The following USH2A variants were observed in gnomAD, a reference collection of about 807,000 sequenced individuals.
USH2A encodes the protein usherin, also known as Usher syndrome 2A (autosomal recessive, mild).
Under a neutral mutation model 538.9 loss-of-function variants are expected in USH2A, and 443 were observed. The observed-to-expected ratio is 0.82, with a 90% CI of 0.76 to 0.89. The LOEUF is 0.89. USH2A is among the 40% of genes least tolerant of loss of function. The pLI, the probability that USH2A is intolerant of heterozygous loss-of-function variation, is 0.00. For synonymous variants in USH2A, 2,413 were observed against 2,273.5 expected (o/e 1.06, Z -1.75); for missense variants, 6,633 against 6,324.8 (o/e 1.05, Z -1.65).
chr1:216,131,986 G>C (rs1029063537), intron 21 of USH2A, among the ~76,000 whole-genome samples: 1 of 152,068 alleles, frequency 6.6e-6, no homozygotes, highest in Non-Finnish European at 1.5e-5. Context: ...CACAGACCTA[G>C]TAAGATGGTA....
chr1:216,093,938 A>G (rs1322309638), intron 22 of USH2A, among the ~76,000 whole-genome samples: 2 of 152,240 alleles, frequency 1.3e-5, no homozygotes, highest in Non-Finnish European at 1.5e-5. Context: ...AAGCCACTTC[A>G]TCTAAAGCAG....
chr1:215,913,736 G>A (rs1008091206), intron 38 of USH2A, among the ~76,000 whole-genome samples: 5 of 151,576 alleles, frequency 3.3e-5, no homozygotes, highest in Admixed American at 6.6e-5. Flanking sequence ...ACTTTGATTC[G>A]AGTTTTTTTT....
intron 37 of USH2A, among the ~76,000 whole-genome samples, chr1:215,958,207 T>A (rs1344793638): frequency 6.6e-6 from 1 of 152,064 alleles, no homozygotes; most frequent in Non-Finnish European, 1.5e-5. Flanking sequence ...AGAACCAGAG[T>A]GTGTGAAAAG....
rs191335374 is a variant in USH2A, at chr1:215,849,420, G to A, written c.8846-3387C>T. 2.2e-4 allele frequency among the ~76,000 whole-genome samples: 33 copies of A among 152,218 alleles called. 1 individual carries two copies. Among genetic ancestry groups the A allele is most frequent in the Middle Eastern group, 3.4e-3 (1 of 294 alleles). On this transcript the variant is annotated intron_variant, in intron 44 of 71. Coordinates refer to ENST00000307340, the MANE Select transcript of USH2A (RefSeq NM_206933.4). ...AAGCAATGGCAGAATTAAAACGTAC[G>A]TTGAAAGCAGAAATGAGCAGAGTTA...
At chr1:215,694,651 T>C (rs1658742436) in intron 61 of USH2A, among the ~76,000 whole-genome samples, 1 of 152,142 alleles carries the variant, frequency 6.6e-6, no homozygotes, top group African/African-American at 2.4e-5. Context: ...AGAAAAATGG[T>C]TTGAATTTAC....
chr1:215,660,877 G>A (rs776142080), intron 64 of USH2A, among the ~76,000 whole-genome samples: 3 of 152,142 alleles, frequency 2.0e-5, no homozygotes, highest in Non-Finnish European at 4.4e-5. Context: ...TCTCAACTAT[G>A]TTCTTACAAA....
At chr1:216,168,206 AT>A (rs2034207208) in intron 21 of USH2A, among the ~76,000 whole-genome samples, 1 of 152,132 alleles carries the variant, frequency 6.6e-6, no homozygotes, top group Admixed American at 6.6e-5. Flanking sequence ...TTTCCAACCC[AT>A]TTAAGCTGAA....
At chr1:216,285,386 G>A (rs1028572013) in intron 11 of USH2A, among the ~76,000 whole-genome samples, 3 of 152,256 alleles carry the variant, frequency 2.0e-5, no homozygotes, top group African/African-American at 7.2e-5. Context: ...TGGGCCTGCA[G>A]GTGTGCAGAA....
rs545448896 is a variant in USH2A at position 216,299,281 on chromosome 1, AG to A, written c.1645-6912del. 2.5e-3 allele frequency among the ~76,000 whole-genome samples: 387 copies of A among 151,818 alleles called. 5 individuals carry two copies. Among genetic ancestry groups the A allele is most frequent in the South Asian group, 0.012 (57 of 4,816 alleles). On this transcript the variant is annotated intron_variant, in intron 9 of 71. Coordinates refer to ENST00000307340, the MANE Select transcript of USH2A (RefSeq NM_206933.4). ...GATGTTCCAATTCCTAAAAAAAAAAAGGCTAACATTTATAAATATAAATAGA... is the reference window on the plus strand; with the variant it reads ...GATGTTCCAATTCCTAAAAAAAAAAAGCTAACATTTATAAATATAAATAGA...
intron 21 of USH2A, among the ~76,000 whole-genome samples, chr1:216,103,762 C>G (rs1252720279): frequency 6.6e-6 from 1 of 152,096 alleles, no homozygotes; most frequent in Non-Finnish European, 1.5e-5. Flanking sequence ...AATCACTTGA[C>G]TAAAAATTCT....
At position 216,190,379 on chromosome 1, in the gene USH2A, A is replaced by AAAAGAAAG. The variant is rs372388546; in HGVS notation, c.4252-20_4252-13dup. On this transcript the variant is annotated splice_polypyrimidine_tract_variant and intron_variant, in intron 19 of 71. Coordinates refer to ENST00000307340, the MANE Select transcript of USH2A (RefSeq NM_206933.4). ...GCAGTGTGCAACAGCTTCAAGGCAA[A>AAAAGAAAG]AAAGAAAGAAAGAAAGAAAGAAAGA... 2.5e-6 allele frequency: 4 copies of AAAAGAAAG among 1,609,030 alleles called. No homozygotes were observed. Among genetic ancestry groups the AAAAGAAAG allele is most frequent in the Middle Eastern group, 1.7e-4 (1 of 5,748 alleles).
At chr1:215,777,396 T>C (rs986435800) in intron 55 of USH2A, among the ~76,000 whole-genome samples, 1 of 152,224 alleles carries the variant, frequency 6.6e-6, no homozygotes, top group Admixed American at 6.5e-5. Context: ...TTCTAAAAAA[T>C]GCAAACCAAT....
At chr1:216,171,782 T>C (rs1395895648) in intron 21 of USH2A, among the ~76,000 whole-genome samples, 1 of 152,028 alleles carries the variant, frequency 6.6e-6, no homozygotes, top group African/African-American at 2.4e-5. Context: ...ATTAAATGAG[T>C]TGTCTAATTA....
chr1:215,634,664 C>G lies in USH2A; in HGVS notation c.15092G>C (p.Arg5031Pro). Residue 5031 changes from arginine to proline, a missense_variant, in exon 70 of 72, where the codon CGG becomes CCG. By Grantham distance (103) the Arg-to-Pro change is moderately radical (BLOSUM62 -2). Transcript: ENST00000307340. Reference sequence around the variant, plus strand: ...GCTGTAGAACTCTGTGCTTTTGCTCCGCGATCCCTTCTTTTTCCCAGGAGT... The same window carrying G: ...GCTGTAGAACTCTGTGCTTTTGCTCGGCGATCCCTTCTTTTTCCCAGGAGT... Reference protein sequence around the residue: ...LTTPGKKKGSRSKSTEFYSEL... With the variant: ...LTTPGKKKGSPSKSTEFYSEL... The G allele has an allele frequency of 6.2e-7, 1 of 1,614,234 alleles. No individual in the cohort carries two copies.
chr1:216,165,002 G>C (rs2034137996), intron 21 of USH2A, among the ~76,000 whole-genome samples: 1 of 152,024 alleles, frequency 6.6e-6, no homozygotes, highest in African/African-American at 2.4e-5. Context: ...TTTGAAACCT[G>C]GGGAGTCTGA....
intron 4 of USH2A, among the ~76,000 whole-genome samples, chr1:216,363,608 T>C (rs2038537823): frequency 6.6e-6 from 1 of 152,070 alleles, no homozygotes; most frequent in South Asian, 2.1e-4. Flanking sequence ...GACACAGATA[T>C]ATAAATATAT....
intron 58 of USH2A, among the ~76,000 whole-genome samples, chr1:215,750,520 A>C (rs1421131527): frequency 6.6e-6 from 1 of 152,206 alleles, no homozygotes; most frequent in African/African-American, 2.4e-5. Context: ...TGAGCCACAA[A>C]TAAAATTATT....
chr1:216,087,074 A>G (rs1192467346), intron 23 of USH2A, among the ~76,000 whole-genome samples: 1 of 152,140 alleles, frequency 6.6e-6, no homozygotes, highest in African/African-American at 2.4e-5. Flanking sequence ...AGTACTCTAG[A>G]GGGATGAATA....
chr1:215,629,277 G>T lies in USH2A; in HGVS notation c.15298-242C>A, dbSNP rs577609616. ...GATGAGCTAATACTCAAGTTAGGTG[G>T]CCAGTGTTTTCGGCACCTAGAGAGC... On this transcript the variant is annotated intron_variant, in intron 70 of 71. Transcript: ENST00000307340. 3.3e-5 allele frequency among the ~76,000 whole-genome samples: 5 copies of T among 152,280 alleles called. No homozygotes were observed. The South Asian group carries it at 1.0e-3, about 32-fold the overall frequency.
Sources: allele counts gnomAD v4.1 joint callset (sites outside exome capture counted in the v4.1 genomes callset), GRCh38; gene constraint gnomAD v4.1.1; transcripts MANE v1.5; gene names NCBI Gene and HGNC (gene_info 2026-07-23, HGNC 2026-07-21).